RREB1: variants seen among roughly 807,000 people sequenced by gnomAD.
The protein encoded by RREB1 is ras responsive element binding protein 1.
Under a neutral mutation model 117.8 loss-of-function variants are expected in RREB1, and 27 were observed. That is an observed-to-expected ratio of 0.23 (90% confidence interval 0.17 to 0.32). The LOEUF (loss-of-function observed/expected upper bound fraction) is 0.32, where lower values mean the gene tolerates loss of function less well. Among genes scored for constraint, RREB1 ranks in the 10% least tolerant of loss-of-function variants. RREB1 has a pLI of 1.00. For synonymous variants in RREB1, 1,298 were observed against 1,026.7 expected, an observed-to-expected ratio of 1.26 and a Z score of -5.05; for missense variants, 2,577 against 2,378.2, an observed-to-expected ratio of 1.08 and a Z score of -1.74.
chr6:7,244,996 T>C (rs9505094), intron 11 of RREB1, among the ~76,000 whole-genome samples: 4,318 of 152,316 alleles, frequency 0.028, 193 homozygotes, highest in African/African-American at 0.095. Flanking sequence ...GCTCAAGGAC[T>C]GCAATCACAT....
intron 1 of RREB1, among the ~76,000 whole-genome samples, chr6:7,141,565 A>C (rs1405898180): frequency 5.9e-5 from 9 of 152,220 alleles, no homozygotes; most frequent in Non-Finnish European, 1.3e-4. Context: ...GCCCACTCGC[A>C]TTATGTAATT....
chr6:7,225,421 T>C (rs1767525236), intron 8 of RREB1, among the ~76,000 whole-genome samples: 1 of 152,196 alleles, frequency 6.6e-6, no homozygotes, highest in African/African-American at 2.4e-5. Flanking sequence ...CTACATTCCA[T>C]GCAAGTCTAG....
intron 11 of RREB1, among the ~76,000 whole-genome samples, chr6:7,242,169 A>G (rs1240710291): frequency 2.0e-5 from 3 of 152,210 alleles, no homozygotes; most frequent in African/African-American, 7.2e-5. Flanking sequence ...CATGTTTACA[A>G]ATAAGTCTTA....
At chr6:7,213,923 C>T (rs1457405756) in intron 8 of RREB1, 1 of 152,248 alleles carries the variant, frequency 6.6e-6, no homozygotes, top group Non-Finnish European at 1.5e-5. Context: ...ATGTGGCTCC[C>T]ACAAGAGATT....
intron 1 of RREB1, among the ~76,000 whole-genome samples, chr6:7,115,684 C>G (rs1176136433): frequency 6.6e-6 from 1 of 152,140 alleles, no homozygotes; most frequent in Non-Finnish European, 1.5e-5. Flanking sequence ...TGGTGCTTTT[C>G]TGTCTTCTCG....
intron 8 of RREB1, chr6:7,212,037 A>G (rs1408495986): frequency 6.3e-6 from 2 of 319,366 alleles, no homozygotes; most frequent in Admixed American, 9.1e-5. Context: ...TTCGCAAAAG[A>G]TGTTGCAACT....
chr6:7,238,499 A>C (rs1217591445), intron 10 of RREB1, among the ~76,000 whole-genome samples: 9 of 152,178 alleles, frequency 5.9e-5, no homozygotes, highest in Non-Finnish European at 7.3e-5. Flanking sequence ...GGCCTCCCAC[A>C]GTGTTGGGAT....
chr6:7,159,522 C>T (rs1345423536), intron 1 of RREB1, among the ~76,000 whole-genome samples: 1 of 152,120 alleles, frequency 6.6e-6, no homozygotes, highest in Non-Finnish European at 1.5e-5. Flanking sequence ...GGGCGGATTG[C>T]TTTAGGAATT....
intron 8 of RREB1, chr6:7,214,846 TC>T (rs1766812471): frequency 1.3e-5 from 2 of 152,296 alleles, no homozygotes; most frequent in South Asian, 4.1e-4. Context: ...TGCCCATTGT[TC>T]CTTAATAAAA....
intron 1 of RREB1, among the ~76,000 whole-genome samples, chr6:7,173,193 C>T (rs1764309958): frequency 6.6e-6 from 1 of 152,110 alleles, no homozygotes; most frequent in African/African-American, 2.4e-5. Context: ...AGGGCCTCTA[C>T]CATCATCCTA....
At chr6:7,188,386 G>A (rs1318135575) in intron 5 of RREB1, among the ~76,000 whole-genome samples, 1 of 151,722 alleles carries the variant, frequency 6.6e-6, no homozygotes, top group Non-Finnish European at 1.5e-5. Flanking sequence ...AAGTAGCTGG[G>A]ATTACAGGCG....
At chr6:7,221,787 G>A (rs1767275466) in intron 8 of RREB1, among the ~76,000 whole-genome samples, 1 of 152,212 alleles carries the variant, frequency 6.6e-6, no homozygotes, top group African/African-American at 2.4e-5. Context: ...CAGTTAGACA[G>A]AAGTAGTAAG....
At chr6:7,117,951 G>A (rs1761487772) in intron 1 of RREB1, among the ~76,000 whole-genome samples, 1 of 152,108 alleles carries the variant, frequency 6.6e-6, no homozygotes, top group South Asian at 2.1e-4. Flanking sequence ...TTTTATACAA[G>A]ATGAAATCCT....
In RREB1 at chr6:7,246,776, C is replaced by G. The variant is rs776184838; in HGVS notation, c.4326C>G (p.Ala1442=). Residue 1442 remains alanine (A), a synonymous_variant, in exon 12 of 13, where the codon GCC becomes GCG. Transcript: ENST00000379938. ...GCGAGGCAGGCGCCGGGGGCGCGGC[C>G]TCGCAGGAGCAGAAGCTCGCCTGCG... The part of the protein sequence containing the change: ...GDGEAGAGGA[A]SQEQKLACDT... The G allele has an allele frequency of 1.3e-6, 2 of 1,551,396 alleles. No homozygotes were observed. The highest frequency in any genetic ancestry group is 1.7e-6 in the Non-Finnish European group (2 of 1,149,770).
chr6:7,158,025 T>C (rs1763467276), intron 1 of RREB1, among the ~76,000 whole-genome samples: 1 of 152,122 alleles, frequency 6.6e-6, no homozygotes, highest in Non-Finnish European at 1.5e-5. Flanking sequence ...CATGCCTGAC[T>C]TCTCTGTGGA....
chr6:7,230,547 G>C lies in RREB1; in HGVS notation c.2448G>C (p.Val816=), dbSNP rs747770556. 5 of 1,598,384 alleles carry C rather than the reference G, an allele frequency of 3.1e-6. No homozygotes were observed. The highest frequency in any genetic ancestry group is 3.4e-6 in the Non-Finnish European group (4 of 1,176,394). Residue 816 remains valine (V), a synonymous_variant, in exon 10 of 13, where the codon GTG becomes GTC. Coordinates refer to ENST00000379938, the MANE Select transcript of RREB1 (RefSeq NM_001003699.4). The part of the protein sequence containing the change: ...IHHILKQHLH[V]PEQDIESYVL... The stretch of plus-strand genomic sequence containing the variant: ...ACATCCTCAAGCAGCACCTGCACGT[G>C]CCCGAGCAGGACATCGAGAGCTACG...
At chr6:7,154,149 A>G (rs561111659) in intron 1 of RREB1, among the ~76,000 whole-genome samples, 1 of 152,306 alleles carries the variant, frequency 6.6e-6, no homozygotes, top group South Asian at 2.1e-4. Flanking sequence ...TCATCTCCAT[A>G]AGGTTCTCTA....
chr6:7,236,162 A>G (rs945989510), intron 10 of RREB1, among the ~76,000 whole-genome samples: 1 of 152,098 alleles, frequency 6.6e-6, no homozygotes, highest in Non-Finnish European at 1.5e-5. Context: ...TTTTTAGGCC[A>G]CAGGTGGAGG....
intron 9 of RREB1, 101 bp from the exon 10 acceptor site, chr6:7,228,896 T>TG (rs1339357240): frequency 1.0e-5 from 11 of 1,091,276 alleles, no homozygotes; most frequent in Non-Finnish European, 1.2e-5. Flanking sequence ...GGCTGTGTAC[T>TG]GGGATAAATG....
Sources: allele counts gnomAD v4.1 joint callset (sites outside exome capture counted in the v4.1 genomes callset), GRCh38; gene constraint gnomAD v4.1.1; transcripts MANE v1.5; gene names NCBI Gene and HGNC (gene_info 2026-07-23, HGNC 2026-07-21).